Variants in HECW2 observed in about 807,000 individuals in gnomAD.
The protein encoded by HECW2 is E3 ubiquitin-protein ligase HECW2.
HECW2 carries 61 observed loss-of-function variants against 175.2 expected under a neutral mutation model. The observed-to-expected ratio is 0.35, with a 90% confidence interval of 0.28 to 0.43. The LOEUF (loss-of-function observed/expected upper bound fraction) is 0.43, where lower values mean the gene tolerates loss of function less well. Among genes scored for constraint, HECW2 ranks in the 20% least tolerant of loss-of-function variants. The pLI is 1.00. For missense variants in HECW2, 1,524 were observed against 2,000.5 expected (o/e 0.76, Z 4.54); for synonymous variants, 671 against 731.0 (o/e 0.92, Z 1.32).
At chr2:196,464,956 C>T (rs1308741892) in intron 1 of HECW2, among the ~76,000 whole-genome samples, 1 of 152,064 alleles carries the variant, frequency 6.6e-6, no homozygotes, top group African/African-American at 2.4e-5. Context: ...GTAGGAGAAT[C>T]GCTTGAACCC....
intron 2 of HECW2, among the ~76,000 whole-genome samples, chr2:196,414,720 G>A (rs376646517): frequency 3.3e-5 from 5 of 152,138 alleles, no homozygotes; most frequent in African/African-American, 7.2e-5. Flanking sequence ...TTTCCAGCAG[G>A]AGTAACAGTG....
chr2:196,303,106 G>GA (rs1691128734), intron 13 of HECW2, among the ~76,000 whole-genome samples: 1 of 152,150 alleles, frequency 6.6e-6, no homozygotes. Flanking sequence ...CTAGTTGATT[G>GA]AGAGTTTTTA....
intron 17 of HECW2, chr2:196,263,322 CAA>C (rs1387281786): frequency 3.3e-5 from 5 of 152,224 alleles, no homozygotes; most frequent in East Asian, 3.9e-4. Context: ...GGACAATGAA[CAA>C]AGTCTCAAGA....
rs538741216 is a variant in HECW2 at position 196,303,894 on chromosome 2, G to C, written c.2814+2594C>G. Among the ~76,000 whole-genome samples the C allele has an allele frequency of 2.0e-5, 3 of 152,090 alleles. No homozygotes were observed. The South Asian group carries it at 6.2e-4, about 32-fold the overall frequency. The stretch of plus-strand genomic sequence containing the variant: ...ATCTATTAGCAAGAATGTCATCTCT[G>C]TCTTCAAAATATATCCAATATTCAT... On this transcript the variant is annotated intron_variant, in intron 13 of 28. Transcript: ENST00000644978.
chr2:196,397,129 C>CAAAAA (rs1694692123), intron 2 of HECW2, among the ~76,000 whole-genome samples: 1 of 17,122 alleles, frequency 5.8e-5, no homozygotes, highest in African/African-American at 1.4e-4. Context: ...CAAAACAAAA[C>CAAAAA]AAAACAAAAA....
chr2:196,309,326 G>A (rs934248753), intron 10 of HECW2, among the ~76,000 whole-genome samples: 2 of 152,118 alleles, frequency 1.3e-5, no homozygotes, highest in African/African-American at 4.8e-5. Flanking sequence ...AAGAGGAATT[G>A]GGCTGAACAA....
At chr2:196,309,092 C>T (rs1242522457) in intron 10 of HECW2, among the ~76,000 whole-genome samples, 1 of 152,142 alleles carries the variant, frequency 6.6e-6, no homozygotes, top group African/African-American at 2.4e-5. Flanking sequence ...TGGGGCTAAT[C>T]CTGGAGACCA....
At chr2:196,426,998 G>A (rs1204430180) in intron 2 of HECW2, among the ~76,000 whole-genome samples, 2 of 152,028 alleles carry the variant, frequency 1.3e-5, no homozygotes, top group Admixed American at 6.6e-5. Context: ...ATTCACTTTT[G>A]AAGACATAAT....
At chr2:196,452,933 G>T (rs1696390088) in intron 1 of HECW2, among the ~76,000 whole-genome samples, 1 of 152,050 alleles carries the variant, frequency 6.6e-6, no homozygotes, top group African/African-American at 2.4e-5. Flanking sequence ...TACAAAAAAT[G>T]AGACTAAACC....
At chr2:196,424,143 A>T (rs978197110) in intron 2 of HECW2, among the ~76,000 whole-genome samples, 3 of 151,968 alleles carry the variant, frequency 2.0e-5, no homozygotes, top group Non-Finnish European at 4.4e-5. Flanking sequence ...ATGATCTCTG[A>T]TCAGTGGTCT....
intron 2 of HECW2, among the ~76,000 whole-genome samples, chr2:196,404,220 T>C (rs990725567): frequency 1.3e-5 from 2 of 152,210 alleles, no homozygotes; most frequent in Non-Finnish European, 2.9e-5. Context: ...AGACTGGGCG[T>C]AAGTCCCATT....
intron 2 of HECW2, among the ~76,000 whole-genome samples, chr2:196,419,724 C>T (rs1307953357): frequency 6.6e-6 from 1 of 152,186 alleles, no homozygotes; most frequent in Non-Finnish European, 1.5e-5. Flanking sequence ...GGGGTGGCTA[C>T]CTGGCTACTC....
At chr2:196,544,616 G>A (rs1689345698) in intron 1 of HECW2, among the ~76,000 whole-genome samples, 1 of 152,196 alleles carries the variant, frequency 6.6e-6, no homozygotes, top group South Asian at 2.1e-4. Flanking sequence ...GCACGATGTA[G>A]GAATGGGATA....
At chr2:196,418,134 CTT>C (rs531703855) in intron 2 of HECW2, among the ~76,000 whole-genome samples, 1 of 145,234 alleles carries the variant, frequency 6.9e-6, no homozygotes, top group Non-Finnish European at 1.5e-5. Flanking sequence ...ATGATCACTT[CTT>C]TTTTTTTTTT....
At chr2:196,394,264 A>C (rs981119755) in intron 2 of HECW2, among the ~76,000 whole-genome samples, 4 of 152,220 alleles carry the variant, frequency 2.6e-5, no homozygotes, top group African/African-American at 4.8e-5. Flanking sequence ...ACAAATGTGC[A>C]CGTTGTGCAC....
intron 1 of HECW2, among the ~76,000 whole-genome samples, chr2:196,511,156 G>C (rs905892272): frequency 2.0e-5 from 3 of 152,170 alleles, no homozygotes; most frequent in African/African-American, 7.2e-5. Flanking sequence ...AGCAAAGAGA[G>C]GGTTTCACCA....
chr2:196,566,047 C>T (rs1423320592), intron 1 of HECW2, among the ~76,000 whole-genome samples: 2 of 152,024 alleles, frequency 1.3e-5, no homozygotes, highest in Non-Finnish European at 2.9e-5. Context: ...AGAATTCTCA[C>T]CGCCGCATCA....
At chr2:196,268,717 A>G (rs1689611679) in intron 17 of HECW2, among the ~76,000 whole-genome samples, 1 of 152,220 alleles carries the variant, frequency 6.6e-6, no homozygotes, top group South Asian at 2.1e-4. Flanking sequence ...GATGGGGTAC[A>G]CTTAGAGGAA....
intron 1 of HECW2, among the ~76,000 whole-genome samples, chr2:196,573,624 C>T (rs1275388044): frequency 6.6e-6 from 1 of 152,070 alleles, no homozygotes; most frequent in Admixed American, 6.6e-5. Flanking sequence ...TGACTCAGTG[C>T]CCACTCAATG....
Sources: gnomAD v4.1 joint callset for allele counts (sites outside exome capture counted in the v4.1 genomes callset) on GRCh38, gnomAD v4.1.1 for gene constraint, MANE v1.5 for transcripts, NCBI Gene and HGNC (gene_info 2026-07-23, HGNC 2026-07-21) for gene names.